The following HGS variants were observed in gnomAD, a reference collection of about 807,000 sequenced individuals.
The protein encoded by HGS is human growth factor-regulated tyrosine kinase substrate.
In HGS, 63 loss-of-function variants were observed where a neutral mutation model predicts 109.7. The ratio of observed to expected loss-of-function variants is 0.57; its 90% CI spans 0.47 to 0.71. The LOEUF (loss-of-function observed/expected upper bound fraction) is 0.71. Ranked by LOEUF, HGS falls within the 30% of genes least tolerant of loss-of-function variation. The pLI, the probability that HGS is intolerant of heterozygous loss-of-function variation, is 0.00. For synonymous variants in HGS, 546 were observed against 437.3 expected (o/e 1.25, Z -3.10); for missense variants, 995 against 1,068.3 (o/e 0.93, Z 0.96).
chr17:81,696,589 C>A lies in HGS; in HGVS notation c.1567-18C>A. 1 of 1,579,860 alleles carries A rather than the reference C, an allele frequency of 6.3e-7. No individual in the cohort carries two copies. Among genetic ancestry groups the A allele is most frequent in the Non-Finnish European group, 8.6e-7 (1 of 1,159,996 alleles). ...CTGGGGGACCTCGCAGCATAACCAGCATGTTTTTGCCGCACAGGAGTACCT... is the reference window on the plus strand; with the variant it reads ...CTGGGGGACCTCGCAGCATAACCAGAATGTTTTTGCCGCACAGGAGTACCT... On this transcript the variant is annotated intron_variant, in intron 16 of 21. Coordinates refer to ENST00000329138, the MANE Select transcript of HGS (RefSeq NM_004712.5).
intron 18 of HGS, chr17:81,698,389 T>G (rs1208915220): frequency 1.3e-5 from 2 of 152,214 alleles, no homozygotes; most frequent in East Asian, 1.9e-4. Flanking sequence ...CCTTCCAAAG[T>G]GCTGGGATTA....
chr17:81,701,479 AG>A, intron 21 of HGS, 28 bp from the exon 22 acceptor site: 1 of 1,532,736 alleles, frequency 6.5e-7, no homozygotes, highest in African/African-American at 1.4e-5. Context: ...AGGGAGGACC[AG>A]GGCCATGCCT....
In HGS at chr17:81,691,419, G is replaced by T; in HGVS notation, c.538-28G>T. 1 of 1,612,718 alleles carries T rather than the reference G, an allele frequency of 6.2e-7. No individual in the cohort carries two copies. Among genetic ancestry groups the T allele is most frequent in the South Asian group, 1.1e-5 (1 of 90,968 alleles). The stretch of plus-strand genomic sequence containing the variant: ...CGCATCAGGGTCCCCCAGTGCCTGT[G>T]ACCAGGCCCGCCCGCCCCATCTTAC... On this transcript the variant is annotated intron_variant, in intron 7 of 21. Transcript: ENST00000329138. The surrounding 1 kb of genome is among the most constrained non-coding windows in gnomAD (Gnocchi z 5.3).
At position 81,701,638 on chromosome 17, in the gene HGS, C is replaced by A. The variant is rs1489500895; in HGVS notation, c.*20C>A. 7 of 1,541,002 alleles carry A rather than the reference C, an allele frequency of 4.5e-6. No individual in the cohort carries two copies. The East Asian group carries it at 1.5e-4, about 32-fold the overall frequency. ...GACTGACCCAGGCCATGCTCACGTC[C>A]GGAGTAACACTACATACAGTTCACC... On this transcript the variant is annotated 3_prime_UTR_variant, in exon 22 of 22. Transcript: ENST00000329138.
intron 1 of HGS, among the ~76,000 whole-genome samples, chr17:81,685,309 C>T (rs888851815): frequency 3.9e-5 from 6 of 152,226 alleles, no homozygotes; most frequent in African/African-American, 1.2e-4. Context: ...CTCTGGTGAG[C>T]TGTGTGACTC....
At chr17:81,688,591 T>C (rs1354147311) in intron 4 of HGS, 113 bp from the exon 5 acceptor site, 2 of 1,378,712 alleles carry the variant, frequency 1.5e-6, no homozygotes, top group Non-Finnish European at 2.0e-6. Context: ...CTCCCTGGCC[T>C]CTGTGTCAGC....
rs1217595362 is a variant in HGS, at chr17:81,685,586, A to G, written c.38-19A>G. On this transcript the variant is annotated intron_variant, in intron 1 of 21. Coordinates refer to ENST00000329138, the MANE Select transcript of HGS (RefSeq NM_004712.5). Reference sequence around the variant, plus strand: ...TCCAGCAGGATAACCCCTCCCTTTCATGGCATTTTCTCTCTCAGACAAGGC... The same window carrying G: ...TCCAGCAGGATAACCCCTCCCTTTCGTGGCATTTTCTCTCTCAGACAAGGC... The G allele has an allele frequency of 1.9e-6, 3 of 1,597,276 alleles. No homozygotes were observed. The highest frequency in any genetic ancestry group is 1.7e-6 in the Non-Finnish European group (2 of 1,169,150).
At chr17:81,700,922 G>C in intron 20 of HGS, 108 bp downstream of exon 20, 2 of 1,529,452 alleles carry the variant, frequency 1.3e-6, no homozygotes, top group Middle Eastern at 1.7e-4. Context: ...CACCCCTTCT[G>C]CTCCTCCCCC....
Position 81,696,876 on chromosome 17 carries a change from C to T in HGS, c.1760C>T (p.Ala587Val). The change falls in exon 18 of 22, where the codon GCC (alanine) becomes GTC (valine). Residue 587 changes from alanine to valine, a missense_variant. Ala to Val is a moderately conservative substitution (Grantham distance 64). Transcript: ENST00000329138. ...GGVLYQPSGP[A>V]SFPSTFSPAG... ...GTGCTCTACCAGCCCTCGGGACCAG[C>T]CAGCTTCCCCAGCACCTTCAGCCCT... The T allele has an allele frequency of 6.2e-7, 1 of 1,610,730 alleles. No homozygotes were observed. Among genetic ancestry groups the T allele is most frequent in the Middle Eastern group, 1.6e-4 (1 of 6,062 alleles).
At chr17:81,699,460 C>CT (rs1211808945) in intron 18 of HGS, among the ~76,000 whole-genome samples, 1 of 152,252 alleles carries the variant, frequency 6.6e-6, no homozygotes, top group Non-Finnish European at 1.5e-5. Context: ...AAGTCTCGCT[C>CT]TGTCGCCCAG....
In HGS at chr17:81,691,470, G is replaced by A; in HGVS notation, c.561G>A (p.Gln187=). ...AGCACCACTGCCGGGCGTGTGGGCA[G>A]ATATTCTGTGGAAAGTGTTCTTCCA... ...TRKHHCRACG[Q]IFCGKCSSKY... is the part of the protein sequence containing the mutation. Residue 187 remains glutamine (Q), a synonymous_variant, in exon 8 of 22, where the codon CAG becomes CAA. Transcript: ENST00000329138. The surrounding 1 kb of genome is among the most constrained non-coding windows in gnomAD (Gnocchi z 5.3). The A allele has an allele frequency of 6.2e-7, 1 of 1,614,146 alleles. No homozygotes were observed. Among genetic ancestry groups the A allele is most frequent in the Non-Finnish European group, 8.5e-7 (1 of 1,180,012 alleles).
chr17:81,695,318 G>T, intron 14 of HGS, 95 bp downstream of exon 14: 1 of 1,363,984 alleles, frequency 7.3e-7, no homozygotes, highest in East Asian at 2.3e-5. Context: ...TAACCAGAGG[G>T]CCGTGCTAGA....
intron 15 of HGS, 88 bp from the exon 16 acceptor site, chr17:81,696,269 A>AG: frequency 7.1e-7 from 1 of 1,414,916 alleles, no homozygotes; most frequent in South Asian, 1.5e-5. Flanking sequence ...GGTTGGGCAC[A>AG]GGGCGGCCCA....
chr17:81,693,481 G>C, intron 8 of HGS, 22 bp from the exon 9 acceptor site: 4 of 1,600,652 alleles, frequency 2.5e-6, no homozygotes, highest in Non-Finnish European at 3.4e-6. Context: ...ATGGTGACCT[G>C]CAGCATTCCT....
At position 81,693,892 on chromosome 17, in the gene HGS, C is replaced by G; in HGVS notation, c.863C>G (p.Ser288Trp). Residue 288 changes from serine to tryptophan, a missense_variant, in exon 11 of 22, where the codon TCG becomes TGG. By Grantham distance (177) the Ser-to-Trp change is radical. Transcript: ENST00000329138. ...ERLRQKSTYT[S>W]YPKAEPMPSA... ...CAGAGACAGAAGTCCACGTACACTT[C>G]GTACCCCAAGGCGGAGCCCATGCCC... 1 of 1,610,874 alleles carries G rather than the reference C, an allele frequency of 6.2e-7. No individual in the cohort carries two copies. The highest frequency in any genetic ancestry group is 1.1e-5 in the South Asian group (1 of 90,950).
At chr17:81,685,725 G>A (rs756477718) in intron 2 of HGS, 36 bp downstream of exon 2, 2 of 1,557,404 alleles carry the variant, frequency 1.3e-6, no homozygotes, top group Non-Finnish European at 1.8e-6. Flanking sequence ...ATGCGGAGGA[G>A]CAGCCGTGCA....
Position 81,701,084 on chromosome 17 carries a change from C to T in HGS, c.2176C>T (p.Pro726Ser), listed in dbSNP as rs757292988. The T allele has an allele frequency of 6.2e-7, 1 of 1,614,090 alleles. No homozygotes were observed. The highest frequency in any genetic ancestry group is 1.7e-5 in the Admixed American group (1 of 60,038). Reference protein sequence around the residue: ...TTLPSQDASLPPQQPYIAGQQ... With the variant: ...TTLPSQDASLSPQQPYIAGQQ... ...CCTCCCAAGCCAGGATGCGTCTCTG[C>T]CACCCCAGCAGCCCTACATCGCGGG... The change falls in exon 21 of 22, where the codon CCA becomes TCA. Residue 726 changes from proline to serine, a missense_variant. Physicochemically the swap from Pro to Ser is moderately conservative, Grantham distance 74. This residue lies in a region of HGS where 326 missense variants were observed against 309.7 expected (regional missense o/e 1.05). Coordinates refer to ENST00000329138, the MANE Select transcript of HGS (RefSeq NM_004712.5).
At chr17:81,686,966 C>T (rs2036989055) in intron 3 of HGS, 37 bp from the exon 4 acceptor site, 4 of 1,557,616 alleles carry the variant, frequency 2.6e-6, no homozygotes, top group Non-Finnish European at 3.5e-6. Context: ...CCTGCCCTGA[C>T]CACTGGCCCA....
At chr17:81,701,013 ACT>A (rs750453715) in intron 20 of HGS, 30 bp from the exon 21 acceptor site, 33 of 1,590,810 alleles carry the variant, frequency 2.1e-5, no homozygotes, top group African/African-American at 1.3e-4. Context: ...TCACAGGGCT[ACT>A]CTCTCACATC....
Sources: gnomAD v4.1 joint callset for allele counts (sites outside exome capture counted in the v4.1 genomes callset) on GRCh38, gnomAD v4.1.1 for gene constraint, gnomAD v4.1.1 regional missense constraint, Gnocchi (gnomAD v3.1) non-coding constraint, MANE v1.5 for transcripts, NCBI Gene and HGNC (gene_info 2026-07-23, HGNC 2026-07-21) for gene names.